The following CLASP1 variants were observed in gnomAD, a reference collection of about 807,000 sequenced individuals.
CLASP1 encodes cytoplasmic linker associated protein 1, also known as CLIP-associating protein 1.
In CLASP1, 38 loss-of-function variants were observed where a neutral mutation model predicts 192.3. The observed-to-expected ratio is 0.20, with a 90% CI of 0.15 to 0.26. The LOEUF (loss-of-function observed/expected upper bound fraction) is 0.26, where lower values mean the gene tolerates loss of function less well. Ranked by LOEUF, CLASP1 falls within the 10% of genes least tolerant of loss-of-function variation. The pLI, the probability that CLASP1 is intolerant of heterozygous loss-of-function variation, is 1.00. For synonymous variants in CLASP1, 691 were observed against 712.8 expected, an observed-to-expected ratio of 0.97 and a Z score of 0.49; for missense variants, 1,433 against 1,932.5, an observed-to-expected ratio of 0.74 and a Z score of 4.85.
chr2:121,403,608 C>A (rs1435060767), intron 26 of CLASP1, among the ~76,000 whole-genome samples: 1 of 152,178 alleles, frequency 6.6e-6, no homozygotes, highest in Non-Finnish European at 1.5e-5. Context: ...ACCTTACCTT[C>A]TTCCTCTAAA....
At chr2:121,393,281 G>A (rs566671897) in intron 30 of CLASP1, among the ~76,000 whole-genome samples, 1 of 152,142 alleles carries the variant, frequency 6.6e-6, no homozygotes, top group African/African-American at 2.4e-5. Flanking sequence ...AATTAAAGCA[G>A]GACATTCACA....
At chr2:121,615,717 C>G (rs1265567484) in intron 1 of CLASP1, among the ~76,000 whole-genome samples, 1 of 151,766 alleles carries the variant, frequency 6.6e-6, no homozygotes, top group Non-Finnish European at 1.5e-5. Context: ...CCAGGAGGTG[C>G]AAGTTGCAGT....
chr2:121,434,187 G>C (rs943765718), intron 19 of CLASP1, among the ~76,000 whole-genome samples: 4 of 152,150 alleles, frequency 2.6e-5, no homozygotes, highest in Non-Finnish European at 5.9e-5. Context: ...GGGTTTTCTT[G>C]AAACTTGTAC....
At chr2:121,377,564 T>G in exon 34 of CLASP1, 3 of 1,599,338 alleles carry the variant, frequency 1.9e-6, no homozygotes, top group Non-Finnish European at 2.6e-6. Flanking sequence ...CTTCGAAAAC[T>G]AAACTTTTCA....
chr2:121,390,116 T>C (rs2074088380), intron 30 of CLASP1, among the ~76,000 whole-genome samples: 1 of 152,150 alleles, frequency 6.6e-6, no homozygotes, highest in African/African-American at 2.4e-5. Context: ...AAATATTTTA[T>C]CTCCAACCCT....
intron 37 of CLASP1, among the ~76,000 whole-genome samples, chr2:121,355,667 CCT>C (rs1169601812): frequency 1.3e-5 from 2 of 152,098 alleles, no homozygotes; most frequent in Non-Finnish European, 2.9e-5. Flanking sequence ...AGGTTTTGCC[CCT>C]GTGTTCTATG....
chr2:121,364,104 G>T (rs1463487314), intron 36 of CLASP1: 1 of 152,106 alleles, frequency 6.6e-6, no homozygotes, highest in Non-Finnish European at 1.5e-5. Context: ...AAGTAAAACA[G>T]ATTACTTATT....
chr2:121,337,952 C>T (rs954581222), exon 40 of CLASP1: 1 of 152,072 alleles, frequency 6.6e-6, no homozygotes, highest in African/African-American at 2.4e-5. Context: ...AGCCCCCCCC[C>T]CCAAAAAAAC....
intron 8 of CLASP1, among the ~76,000 whole-genome samples, chr2:121,488,291 C>T (rs2093103221): frequency 6.6e-6 from 1 of 152,224 alleles, no homozygotes; most frequent in Admixed American, 6.5e-5. Flanking sequence ...TATGAGATCA[C>T]CTAGAGCTGC....
intron 2 of CLASP1, among the ~76,000 whole-genome samples, chr2:121,594,085 G>C (rs1028640138): frequency 1.3e-5 from 2 of 152,016 alleles, no homozygotes; most frequent in African/African-American, 4.8e-5. Context: ...GAGATCGTGA[G>C]GTCAGGAGAT....
At chr2:121,537,270 T>C (rs1233464132) in intron 2 of CLASP1, among the ~76,000 whole-genome samples, 2 of 151,908 alleles carry the variant, frequency 1.3e-5, no homozygotes, top group African/African-American at 4.8e-5. Context: ...CACAAGCCTG[T>C]AGTCTCAGCT....
At chr2:121,644,053 C>G (rs1442719615) in intron 1 of CLASP1, among the ~76,000 whole-genome samples, 1 of 152,134 alleles carries the variant, frequency 6.6e-6, no homozygotes, top group Non-Finnish European at 1.5e-5. Flanking sequence ...TTAACACATA[C>G]CAGTCACTAT....
chr2:121,464,072 A>T (rs942447442), intron 9 of CLASP1, among the ~76,000 whole-genome samples: 1 of 137,124 alleles, frequency 7.3e-6, no homozygotes, highest in Non-Finnish European at 1.5e-5. Context: ...TTCAATTCCC[A>T]CCTATGAGTG....
chr2:121,460,027 A>G (rs1157104511), exon 12 of CLASP1: 1 of 1,613,608 alleles, frequency 6.2e-7, no homozygotes, highest in Non-Finnish European at 8.5e-7. Context: ...GCAGGTCCTT[A>G]GCAGAGAGTT....
intron 13 of CLASP1, among the ~76,000 whole-genome samples, 183 bp downstream of exon 13, chr2:121,458,657 T>TA (rs1559282414): frequency 1.3e-5 from 2 of 152,184 alleles, no homozygotes; most frequent in Non-Finnish European, 2.9e-5. Context: ...TTATGGATTA[T>TA]AAAAAGCTCA....
intron 15 of CLASP1, 100 bp from the exon 16 acceptor site, chr2:121,451,090 T>C: frequency 1.2e-6 from 1 of 820,030 alleles, no homozygotes; most frequent in Non-Finnish European, 2.0e-6. Flanking sequence ...AACATGGAGC[T>C]GGGAGCCTCT....
At chr2:121,484,711 G>A (rs1021342979) in intron 8 of CLASP1, among the ~76,000 whole-genome samples, 1 of 152,158 alleles carries the variant, frequency 6.6e-6, no homozygotes, top group African/African-American at 2.4e-5. Flanking sequence ...AGGAACAAAG[G>A]GAGAATGAGA....
At chr2:121,582,461 A>G (rs1040093176) in intron 2 of CLASP1, among the ~76,000 whole-genome samples, 5 of 151,148 alleles carry the variant, frequency 3.3e-5, no homozygotes, top group Non-Finnish European at 7.4e-5. Context: ...AGAGAGAAAG[A>G]AAGATACATG....
In CLASP1 at chr2:121,387,983, AT is replaced by A. The variant is rs1463888335; in HGVS notation, c.3124-78del. On this transcript the variant is annotated intron_variant, in intron 30 of 39. Coordinates refer to ENST00000263710, the Ensembl canonical transcript of CLASP1. ...ATGTTGATTAAAGTTGTTTAAAAAA[AT>A]ATTTTATAAGTAAAATCACTAATAA... 1.2e-5 allele frequency: 14 copies of A among 1,155,770 alleles called. No individual in the cohort carries two copies. In the Admixed American group the frequency reaches 2.0e-4, roughly 17 times the overall value. 71.6% of individuals were successfully genotyped at this position (1,155,770 alleles called of 1,614,324 possible).
Sources: gnomAD v4.1 joint callset for allele counts (sites outside exome capture counted in the v4.1 genomes callset) on GRCh38, gnomAD v4.1.1 for gene constraint, MANE v1.5 for transcripts, NCBI Gene and HGNC (gene_info 2026-07-23, HGNC 2026-07-21) for gene names.